Variants in FREM2 observed in about 807,000 individuals in gnomAD.
FREM2 encodes FRAS1 related extracellular matrix 2.
Under a neutral mutation model 219.9 loss-of-function variants are expected in FREM2, and 119 were observed. That is an observed-to-expected ratio of 0.54 (90% CI 0.47 to 0.63). FREM2 has a LOEUF of 0.63. Ranked by LOEUF, FREM2 falls within the 30% of genes least tolerant of loss-of-function variation. FREM2 has a pLI of 0.00. For synonymous variants in FREM2, 1,562 were observed against 1,522.8 expected, an observed-to-expected ratio of 1.03 and a Z score of -0.60; for missense variants, 4,030 against 3,993.6, an observed-to-expected ratio of 1.01 and a Z score of -0.25.
chr13:38,832,864 G>A (rs1876563978), intron 6 of FREM2, among the ~76,000 whole-genome samples: 1 of 151,988 alleles, frequency 6.6e-6, no homozygotes, highest in Non-Finnish European at 1.5e-5. Flanking sequence ...GAGAAACATG[G>A]CAAAACCCCA....
intron 2 of FREM2, among the ~76,000 whole-genome samples, chr13:38,713,623 C>T (rs776849817): frequency 3.3e-5 from 5 of 152,178 alleles, no homozygotes; most frequent in Non-Finnish European, 7.3e-5. Flanking sequence ...GGTATTCTCT[C>T]TCAAATGGAT....
At chr13:38,809,417 A>G (rs1422504409) in intron 6 of FREM2, among the ~76,000 whole-genome samples, 1 of 151,784 alleles carries the variant, frequency 6.6e-6, no homozygotes, top group Non-Finnish European at 1.5e-5. Context: ...AATGTCCTGG[A>G]GAGTTTCCAC....
At chr13:38,727,446 T>G (rs1453846022) in intron 2 of FREM2, among the ~76,000 whole-genome samples, 1 of 152,142 alleles carries the variant, frequency 6.6e-6, no homozygotes, top group African/African-American at 2.4e-5. Context: ...GCCACTGCAC[T>G]CCAGCCTGGA....
chr13:38,874,619 C>A (rs906826718), intron 18 of FREM2, 33 bp downstream of exon 18: 1 of 1,538,970 alleles, frequency 6.5e-7, no homozygotes, highest in Non-Finnish European at 9.0e-7. Flanking sequence ...AACCACTCCT[C>A]ACACAAAAAG....
At position 38,884,116 on chromosome 13, in the gene FREM2, G is replaced by A. The variant is rs953845058; in HGVS notation, c.*3329G>A. The A allele has an allele frequency of 6.6e-6, 1 of 152,168 alleles. No homozygotes were observed. Among genetic ancestry groups the A allele is most frequent in the African/African-American group, 2.4e-5 (1 of 41,426 alleles). The allele number at this position is 152,168 out of a possible 1,614,324, so 9.4% of individuals were successfully genotyped here. On this transcript the variant is annotated 3_prime_UTR_variant, in exon 24 of 24. Transcript: ENST00000280481. ...AGAATCCACAGTGTTTGAACAATTT[G>A]CATAAAGGTCAGCTAGCATCCTGCT... is the stretch of plus-strand genomic sequence containing the variant.
chr13:38,773,617 A>G (rs1873759459), intron 4 of FREM2, among the ~76,000 whole-genome samples: 1 of 151,888 alleles, frequency 6.6e-6, no homozygotes, highest in African/African-American at 2.4e-5. Context: ...TTTTGTAGAG[A>G]CAAGAGTCTT....
chr13:38,807,815 C>T (rs1218741252), intron 6 of FREM2, among the ~76,000 whole-genome samples: 1 of 151,856 alleles, frequency 6.6e-6, no homozygotes, highest in Admixed American at 6.6e-5. Context: ...TCTTAAATTA[C>T]CTAAGGTTTT....
intron 2 of FREM2, among the ~76,000 whole-genome samples, chr13:38,755,189 C>T (rs1304510934): frequency 6.6e-6 from 1 of 152,062 alleles, no homozygotes; most frequent in Non-Finnish European, 1.5e-5. Flanking sequence ...GCATGAGCCA[C>T]CATGCCCGGC....
At chr13:38,836,500 A>T (rs1432073830) in intron 6 of FREM2, among the ~76,000 whole-genome samples, 1 of 152,026 alleles carries the variant, frequency 6.6e-6, no homozygotes, top group East Asian at 1.9e-4. Context: ...TATTGTTTGG[A>T]ATAGTTTCAG....
intron 2 of FREM2, among the ~76,000 whole-genome samples, chr13:38,758,910 A>G (rs1873122735): frequency 6.6e-6 from 1 of 152,134 alleles, no homozygotes; most frequent in African/African-American, 2.4e-5. Context: ...GCTTACACCT[A>G]TAGTCCCAAC....
chr13:38,826,012 A>T (rs1010640228), intron 6 of FREM2, among the ~76,000 whole-genome samples: 3 of 152,286 alleles, frequency 2.0e-5, no homozygotes, highest in Admixed American at 6.5e-5. Flanking sequence ...GTATGTTTAC[A>T]GCTTCTTGGT....
rs111799124 is a variant in FREM2 at position 38,797,078 on chromosome 13, A to G, written c.6019+12270A>G. 9.3e-3 allele frequency among the ~76,000 whole-genome samples: 1,415 copies of G among 151,924 alleles called. 18 individuals carry two copies. Among genetic ancestry groups the G allele is most frequent in the African/African-American group, 0.033 (1,359 of 41,424 alleles). ...TTTTTTGTAGAGATGGGGTCTCTCT[A>G]TGTTGCCCAGGCTGGTCTAGAACTC... is the stretch of plus-strand genomic sequence containing the variant. On this transcript the variant is annotated intron_variant, in intron 6 of 23. Transcript: ENST00000280481.
intron 2 of FREM2, among the ~76,000 whole-genome samples, chr13:38,740,063 C>T (rs948468440): frequency 1.5e-5 from 2 of 132,108 alleles, no homozygotes; most frequent in African/African-American, 5.7e-5. Context: ...CCATTCAAAG[C>T]CAAAAATTTC....
intron 6 of FREM2, among the ~76,000 whole-genome samples, chr13:38,794,768 G>T (rs1179786897): frequency 1.3e-5 from 2 of 152,002 alleles, no homozygotes; most frequent in Non-Finnish European, 2.9e-5. Flanking sequence ...TATCAGTTCA[G>T]CATGGAGAGA....
intron 2 of FREM2, among the ~76,000 whole-genome samples, chr13:38,706,066 A>G (rs756108405): frequency 2.0e-5 from 3 of 152,154 alleles, no homozygotes; most frequent in African/African-American, 7.2e-5. Context: ...AGTTTTCACT[A>G]TGGCCAAATA....
intron 6 of FREM2, among the ~76,000 whole-genome samples, chr13:38,809,241 T>C (rs1455390737): frequency 6.6e-6 from 1 of 150,452 alleles, no homozygotes; most frequent in South Asian, 2.1e-4. Context: ...GTTTGGTTCA[T>C]TTTAATGATA....
intron 6 of FREM2, among the ~76,000 whole-genome samples, chr13:38,844,608 G>C (rs895473614): frequency 6.6e-6 from 1 of 152,012 alleles, no homozygotes; most frequent in Admixed American, 6.6e-5. Context: ...TTCCTTTTTT[G>C]TTATGTGTCT....
intron 15 of FREM2, among the ~76,000 whole-genome samples, chr13:38,861,940 GTCTC>G (rs1461047298): frequency 6.6e-6 from 1 of 152,138 alleles, no homozygotes; most frequent in Non-Finnish European, 1.5e-5. Context: ...GGAGTTTTAT[GTCTC>G]TCTCAATATT....
chr13:38,819,438 C>T (rs1364358773), intron 6 of FREM2, among the ~76,000 whole-genome samples: 2 of 152,082 alleles, frequency 1.3e-5, no homozygotes, highest in Non-Finnish European at 2.9e-5. Flanking sequence ...ACCTTTCTCC[C>T]CACAAGAAAG....
Sources: gnomAD v4.1 joint callset for allele counts (sites outside exome capture counted in the v4.1 genomes callset) on GRCh38, gnomAD v4.1.1 for gene constraint, MANE v1.5 for transcripts, NCBI Gene and HGNC (gene_info 2026-07-23, HGNC 2026-07-21) for gene names.